Variants in DST observed in about 807,000 individuals in gnomAD.
DST encodes the protein bullous pemphigoid antigen.
DST carries 253 observed loss-of-function variants against 875.2 expected under a neutral mutation model. The ratio of observed to expected loss-of-function variants is 0.29; its 90% CI spans 0.26 to 0.32. The LOEUF (loss-of-function observed/expected upper bound fraction) is 0.32, where lower values mean the gene tolerates loss of function less well. Among genes scored for constraint, DST ranks in the 10% least tolerant of loss-of-function variants. The pLI is 1.00. For missense variants in DST, 8,287 were observed against 9,111.6 expected (o/e 0.91, Z 3.68); for synonymous variants, 3,124 against 3,197.1 (o/e 0.98, Z 0.77).
chr6:56,693,587 G>A (rs62412528), intron 9 of DST, among the ~76,000 whole-genome samples: 22,450 of 152,218 alleles, frequency 0.15, 2,141 homozygotes, highest in Non-Finnish European at 0.22. Flanking sequence ...CAAAAAGAAA[G>A]CAAACACCAG....
intron 10 of DST, among the ~76,000 whole-genome samples, chr6:56,659,846 G>C (rs937758336): frequency 2.6e-4 from 39 of 152,134 alleles, no homozygotes; most frequent in African/African-American, 8.7e-4. Context: ...ATACAAGAAA[G>C]GTTTCTAAGG....
Position 56,766,895 on chromosome 6 carries a change from G to T in DST, c.626-31606C>A, listed in dbSNP as rs1436832609. ...CAATTCTCTTAACCTAGAAACACAA[G>T]TGGACAACCCATGCTTTAAAAATCT... is the stretch of plus-strand genomic sequence containing the variant. On this transcript the variant is annotated intron_variant, in intron 4 of 103. Transcript: ENST00000680361. Among the ~76,000 whole-genome samples the T allele has an allele frequency of 2.6e-5, 4 of 152,284 alleles. No individual in the cohort carries two copies. The East Asian group carries it at 7.7e-4, about 29-fold the overall frequency.
intron 4 of DST, among the ~76,000 whole-genome samples, chr6:56,791,858 G>A (rs1431747707): frequency 2.0e-5 from 3 of 151,492 alleles, no homozygotes; most frequent in African/African-American, 2.4e-5. Context: ...GAAAGGGTAT[G>A]GATATAATCA....
chr6:56,833,115 CTT>C (rs1396372132), intron 4 of DST, among the ~76,000 whole-genome samples: 1 of 152,190 alleles, frequency 6.6e-6, no homozygotes. Context: ...CCAAGTACTC[CTT>C]TAATCACTCT....
Position 56,608,365 on chromosome 6 carries a change from T to C in DST, c.6263A>G (p.Gln2088Arg). The C allele has an allele frequency of 6.2e-7, 1 of 1,612,870 alleles. No homozygotes were observed. The highest frequency in any genetic ancestry group is 8.5e-7 in the Non-Finnish European group (1 of 1,179,794). ...CAATTCATTTGTAATCAATTCTTGC[T>C]GCAAGGAAGATGATGTGGGAAATAT... ...GEIFPTSSSL[Q>R]QELITNELAY... Residue 2088 changes from glutamine (Q) to arginine (R), a missense_variant, in exon 40 of 104, where the codon CAG becomes CGG. By Grantham distance (43) the Gln-to-Arg change is conservative. Transcript: ENST00000680361.
intron 1 of DST, among the ~76,000 whole-genome samples, chr6:56,954,076 C>G (rs1296832908): frequency 6.6e-6 from 1 of 152,260 alleles, no homozygotes; most frequent in African/African-American, 2.4e-5. Flanking sequence ...CTTACCCCTA[C>G]GCTCCAGCGA....
intron 69 of DST, among the ~76,000 whole-genome samples, chr6:56,522,750 T>A (rs2096730062): frequency 6.8e-6 from 1 of 145,994 alleles, no homozygotes; most frequent in Non-Finnish European, 1.6e-5. Context: ...AGCCAAGCAA[T>A]TAGAACTGCT....
At chr6:56,668,815 A>C (rs985734656) in intron 10 of DST, among the ~76,000 whole-genome samples, 22 of 151,850 alleles carry the variant, frequency 1.4e-4, no homozygotes, top group African/African-American at 5.1e-4. Context: ...GGGGCTCCTG[A>C]GTGTGTGTAT....
intron 61 of DST, among the ~76,000 whole-genome samples, chr6:56,545,174 A>T (rs1004284237): frequency 2.0e-5 from 3 of 151,736 alleles, no homozygotes; most frequent in Non-Finnish European, 2.9e-5. Flanking sequence ...GGCTAATTTT[A>T]AAAATTTTTT....
chr6:56,463,753 T>C lies in DST; in HGVS notation c.22771A>G (p.Thr7591Ala). 1 of 1,613,996 alleles carries C rather than the reference T, an allele frequency of 6.2e-7. No individual in the cohort carries two copies. Among genetic ancestry groups the C allele is most frequent in the Non-Finnish European group, 8.5e-7 (1 of 1,179,886 alleles). The change falls in exon 101 of 104, where the codon ACA becomes GCA. Residue 7591 changes from threonine (T) to alanine (A), a missense_variant. Physicochemically the swap from Thr to Ala is moderately conservative, Grantham distance 58. Transcript: ENST00000680361. ...TTQPTIAKGR[T>A]NMELREKFIL... ...AACTTCTCACGCAGTTCCATGTTTGTCCTTCCTTTGGCTGGGTTATACACA... is the reference window on the plus strand; with the variant it reads ...AACTTCTCACGCAGTTCCATGTTTGCCCTTCCTTTGGCTGGGTTATACACA...
chr6:56,629,423 A>G lies in DST; in HGVS notation c.4302T>C (p.Asp1434=), dbSNP rs2152755941. 2.5e-6 allele frequency: 4 copies of G among 1,613,266 alleles called. No individual in the cohort carries two copies. The highest frequency in any genetic ancestry group is 3.4e-6 in the Non-Finnish European group (4 of 1,179,492). ...AGGCATGGAATACCTGTCTCTTTTC[A>G]TCTACTTCAGATCTCCATTGCTAAA... ...STLKQWRSEV[D]EKRQVFHALE... is the part of the protein sequence containing the mutation. Residue 1434 remains aspartate, a synonymous_variant, in exon 32 of 104, where the codon GAT becomes GAC. Transcript: ENST00000680361.
In DST at chr6:56,555,331, A is replaced by T. The variant is rs775598806; in HGVS notation, c.15136+14T>A. ...TTTCTGACCAGGAAATATATGTATT[A>T]AAAGTAGACAAACCTGCTTTCTGTT... On this transcript the variant is annotated intron_variant, in intron 60 of 103. Coordinates refer to ENST00000680361, the MANE Select transcript of DST (RefSeq NM_001374736.1). The T allele has an allele frequency of 2.6e-6, 4 of 1,551,122 alleles. No homozygotes were observed. The highest frequency in any genetic ancestry group is 3.5e-6 in the Non-Finnish European group (4 of 1,150,760).
At position 56,503,594 on chromosome 6, in the gene DST, TACACACAC is replaced by T. The variant is rs10637850; in HGVS notation, c.19566+395_19566+402del. ...ATACATCTCTCTCTCTACCTATACA[TACACACAC>T]ACACACACACACACACACACACACA... is the stretch of plus-strand genomic sequence containing the variant. On this transcript the variant is annotated intron_variant, in intron 78 of 103. Transcript: ENST00000680361. 7.8e-5 allele frequency among the ~76,000 whole-genome samples: 11 copies of T among 140,910 alleles called. No homozygotes were observed. The South Asian group carries it at 1.2e-3, about 15-fold the overall frequency. 92.4% of individuals were successfully genotyped at this position (140,910 alleles called of 152,430 possible).
chr6:56,458,689 T>G lies in DST; in HGVS notation c.*316A>C, dbSNP rs1383301540. On this transcript the variant is annotated 3_prime_UTR_variant, in exon 104 of 104. Transcript: ENST00000680361. ...CTAACGTCAGGGATTGATGTAGTGC[T>G]GTGGCTGTCAGAGAGGATGTAGACT... 5.1e-6 allele frequency: 1 copy of G among 196,420 alleles called. No individual in the cohort carries two copies. The highest frequency in any genetic ancestry group is 2.3e-5 in the African/African-American group (1 of 43,032). 12.2% of individuals were successfully genotyped at this position (196,420 alleles called of 1,614,324 possible). A position where few individuals can be genotyped will look rare whatever the true frequency, so the allele number is the denominator to read the frequency against.
At position 56,530,109 on chromosome 6, in the gene DST, C is replaced by A. The variant is rs780435915; in HGVS notation, c.17133G>T (p.Ser5711=). The change falls in exon 65 of 104, where the codon TCG becomes TCT. Residue 5711 remains serine (S), a synonymous_variant. Coordinates refer to ENST00000680361, the MANE Select transcript of DST (RefSeq NM_001374736.1). ...ETRNRQLEGI[S]VVAQQFHETL... ...TTTCATGAAATTGCTGTGCTACCAC[C>A]GAGATACCTTCCAACTGACGATTCC... 16 of 1,603,222 alleles carry A rather than the reference C, an allele frequency of 1.0e-5. No individual in the cohort carries two copies. Among genetic ancestry groups the A allele is most frequent in the Middle Eastern group, 1.7e-4 (1 of 6,010 alleles).
intron 85 of DST, among the ~76,000 whole-genome samples, chr6:56,491,837 TA>T (rs1173199846): frequency 1.3e-5 from 2 of 152,120 alleles, no homozygotes; most frequent in African/African-American, 4.8e-5. Flanking sequence ...GCTTAGGAAC[TA>T]AACAAAAGGT....
Position 56,553,555 on chromosome 6 carries a change from C to G in DST, c.15237G>C (p.Glu5079Asp). 6.2e-7 allele frequency: 1 copy of G among 1,613,898 alleles called. No individual in the cohort carries two copies. The highest frequency in any genetic ancestry group is 8.5e-7 in the Non-Finnish European group (1 of 1,179,878). Residue 5079 changes from glutamate (E) to aspartate (D), a missense_variant, in exon 61 of 104, where the codon GAG becomes GAC. Transcript: ENST00000680361. ...FQAWLDTKKE[E>D]QNKSHPISAK... is the part of the protein sequence containing the mutation. ...CAGATATTGGATGAGATTTGTTTTG[C>G]TCTTCTTTCTTTGTATCCAGCCAAG...
intron 4 of DST, among the ~76,000 whole-genome samples, chr6:56,826,883 G>A (rs1426842334): frequency 1.3e-5 from 2 of 152,162 alleles, no homozygotes; most frequent in Admixed American, 1.3e-4. Context: ...TCCAAAGACA[G>A]TAACAAGTCA....
At chr6:56,778,943 CCT>C (rs2099685831) in intron 4 of DST, among the ~76,000 whole-genome samples, 1 of 151,874 alleles carries the variant, frequency 6.6e-6, no homozygotes, top group African/African-American at 2.4e-5. Context: ...GTTCTAGATC[CCT>C]GAGGAATCAC....
Sources: gnomAD v4.1 joint callset for allele counts (sites outside exome capture counted in the v4.1 genomes callset) on GRCh38, gnomAD v4.1.1 for gene constraint, MANE v1.5 for transcripts, NCBI Gene and HGNC (gene_info 2026-07-23, HGNC 2026-07-21) for gene names.